The following SPC24 variants were observed in gnomAD, a reference collection of about 807,000 sequenced individuals.
The protein encoded by SPC24 is SPC24 component of NDC80 kinetochore complex, also known as kinetochore protein Spc24.
SPC24 carries 31 observed loss-of-function variants against 27.6 expected under a neutral mutation model. The observed-to-expected ratio is 1.12, with a 90% confidence interval of 0.84 to 1.52. SPC24 has a LOEUF of 1.52. Among genes scored for constraint, SPC24 ranks in the 40% most tolerant of loss-of-function variants. The probability of loss-of-function intolerance (pLI) is 0.00; values close to 1 mark genes in which losing one functional copy is unlikely to be tolerated. For synonymous variants in SPC24, 105 were observed against 105.8 expected (o/e 0.99, Z 0.05); for missense variants, 284 against 252.5 (o/e 1.12, Z -0.84).
chr19:11,153,047 C>G (rs1202214290), intron 1 of SPC24, among the ~76,000 whole-genome samples: 1 of 147,132 alleles, frequency 6.8e-6, no homozygotes, highest in Admixed American at 6.6e-5. Context: ...GCACCTGAAA[C>G]CCCTGGCACT....
At chr19:11,150,016 T>C (rs936154651) in intron 1 of SPC24, among the ~76,000 whole-genome samples, 2 of 150,422 alleles carry the variant, frequency 1.3e-5, no homozygotes, top group Non-Finnish European at 3.0e-5. Flanking sequence ...GGCAACCCTG[T>C]CAATATTAAA....
At chr19:11,148,211 C>T in intron 2 of SPC24, 94 bp from the exon 3 acceptor site, 2 of 775,102 alleles carry the variant, frequency 2.6e-6, no homozygotes, top group Non-Finnish European at 2.1e-6. Flanking sequence ...TCTATTTACG[C>T]ACACTCTCTT....
intron 1 of SPC24, among the ~76,000 whole-genome samples, chr19:11,150,881 A>G (rs974178493): frequency 6.7e-6 from 1 of 148,634 alleles, no homozygotes; most frequent in African/African-American, 2.5e-5. Context: ...TTAAATGCCC[A>G]GGCCAGGCGC....
chr19:11,150,892 G>A (rs530768604), intron 1 of SPC24, among the ~76,000 whole-genome samples: 9 of 148,030 alleles, frequency 6.1e-5, no homozygotes, highest in East Asian at 2.1e-4. Context: ...GGCCAGGCGC[G>A]GTGGCTCATG....
chr19:11,147,343 A>C, intron 4 of SPC24, 54 bp from the exon 5 acceptor site: 7 of 1,233,110 alleles, frequency 5.7e-6, no homozygotes, highest in Non-Finnish European at 8.0e-6. Flanking sequence ...ACACAACCCC[A>C]CGGGGAAAAG....
In SPC24 at chr19:11,146,977, G is replaced by A. The variant is rs1436182478; in HGVS notation, c.*206C>T. 3.0e-6 allele frequency: 1 copy of A among 330,748 alleles called. No individual in the cohort carries two copies. Among genetic ancestry groups the A allele is most frequent in the Non-Finnish European group, 5.6e-6 (1 of 176,996 alleles). The allele number at this position is 330,748 out of a possible 1,614,324, so 20.5% of individuals were successfully genotyped here. ...TGCCTGTAATCCCAGCTACTTTGGA[G>A]GCTGAGGCAGGAGAATCGCTTGAAC... On this transcript the variant is annotated 3_prime_UTR_variant, in exon 5 of 5. Transcript: ENST00000592540.
intron 1 of SPC24, among the ~76,000 whole-genome samples, chr19:11,150,515 G>A (rs941040406): frequency 1.3e-5 from 2 of 151,854 alleles, no homozygotes. Flanking sequence ...GGCTACTGGT[G>A]GCTGGGCACA....
chr19:11,154,297 T>TG (rs778317166), intron 1 of SPC24, among the ~76,000 whole-genome samples: 1 of 152,130 alleles, frequency 6.6e-6, no homozygotes, highest in Admixed American at 6.6e-5. Flanking sequence ...CCCAGCACTT[T>TG]GGGAGGCCGA....
rs58845884 is a variant in SPC24, at chr19:11,147,908, CA to C, written c.411-15del. 46,784 of 1,088,056 alleles carry C rather than the reference CA, an allele frequency of 0.043. 24 individuals carry two copies. The highest frequency in any genetic ancestry group is 0.096 in the East Asian group (3,273 of 33,986). The allele number at this position is 1,088,056 out of a possible 1,614,324, so 67.4% of individuals were successfully genotyped here. A position where few individuals can be genotyped will look rare whatever the true frequency, so the allele number is the denominator to read the frequency against. ...TGAGCCACGTACCTGTACAGGAAGA[CA>C]AAAAAAAAAAAAAAAAAAAAAGAAA... is the stretch of plus-strand genomic sequence containing the variant. On this transcript the variant is annotated splice_polypyrimidine_tract_variant and intron_variant, in intron 3 of 4. Coordinates refer to ENST00000592540, the MANE Select transcript of SPC24 (RefSeq NM_182513.4).
rs931809146 is a variant in SPC24, at chr19:11,145,870, A to T, written c.*1313T>A. On this transcript the variant is annotated 3_prime_UTR_variant, in exon 5 of 5. Transcript: ENST00000592540. ...GGGCAGCTGGGAAGTGTTGTATTTTAACTCCCAAAGTGCTAGGATCACAGG... is the reference window on the plus strand; with the variant it reads ...GGGCAGCTGGGAAGTGTTGTATTTTTACTCCCAAAGTGCTAGGATCACAGG... The T allele has an allele frequency of 6.6e-6, 1 of 152,132 alleles. No individual in the cohort carries two copies. The allele number at this position is 152,132 out of a possible 1,614,324, so 9.4% of individuals were successfully genotyped here.
chr19:11,146,114 T>A lies in SPC24; in HGVS notation c.*1069A>T, dbSNP rs931777970. ...TCTGTCCTCCATGAAGCCTGCACAC[T>A]CTGGTGTGGCTCCTGTCGCAATCTG... is the stretch of plus-strand genomic sequence containing the variant. On this transcript the variant is annotated 3_prime_UTR_variant, in exon 5 of 5. Transcript: ENST00000592540. 6.6e-6 allele frequency: 1 copy of A among 152,060 alleles called. No homozygotes were observed. The highest frequency in any genetic ancestry group is 1.5e-5 in the Non-Finnish European group (1 of 68,038). The allele number at this position is 152,060 out of a possible 1,614,324, so 9.4% of individuals were successfully genotyped here. A position where few individuals can be genotyped will look rare whatever the true frequency, so the allele number is the denominator to read the frequency against.
intron 1 of SPC24, among the ~76,000 whole-genome samples, chr19:11,153,064 G>A (rs954447126): frequency 6.6e-6 from 1 of 151,356 alleles, no homozygotes; most frequent in African/African-American, 2.5e-5. Flanking sequence ...CACTGCAGCT[G>A]TCAGGGAGAA....
chr19:11,155,604 C>T lies in SPC24; in HGVS notation c.160+13G>A. On this transcript the variant is annotated intron_variant, in intron 1 of 4. Coordinates refer to ENST00000592540, the MANE Select transcript of SPC24 (RefSeq NM_182513.4). ...CTTCCCCCGTGGGCCCGCGACCACG[C>T]TCCGACCCTCACCTCGCAGCTGCTT... The T allele has an allele frequency of 1.3e-6, 2 of 1,538,422 alleles. No individual in the cohort carries two copies. The highest frequency in any genetic ancestry group is 1.7e-6 in the Non-Finnish European group (2 of 1,147,826).
At position 11,155,721 on chromosome 19, in the gene SPC24, C is replaced by G; in HGVS notation, c.56G>C (p.Gly19Ala). 6.3e-7 allele frequency: 1 copy of G among 1,578,886 alleles called. No homozygotes were observed. The highest frequency in any genetic ancestry group is 8.5e-7 in the Non-Finnish European group (1 of 1,170,472). ...CTGCTGCGCCTCCGCGCGGTTGGCG[C>G]CCAGCAGGCTGAGCAGCCCCTGGCT... ...EVSQGLLSLL[G>A]ANRAEAQQRR... The change falls in exon 1 of 5, where the codon GGC becomes GCC. Residue 19 changes from glycine to alanine, a missense_variant. Transcript: ENST00000592540.
At chr19:11,150,532 C>A (rs1045578381) in intron 1 of SPC24, among the ~76,000 whole-genome samples, 17 of 151,704 alleles carry the variant, frequency 1.1e-4, no homozygotes, top group African/African-American at 3.9e-4. Context: ...CACAGTGGCT[C>A]ATGCCTGGAA....
chr19:11,147,140 G>T lies in SPC24; in HGVS notation c.*43C>A. The T allele has an allele frequency of 1.6e-6, 2 of 1,243,134 alleles. No homozygotes were observed. The highest frequency in any genetic ancestry group is 2.3e-6 in the Non-Finnish European group (2 of 877,056). The allele number at this position is 1,243,134 out of a possible 1,614,324, so 77.0% of individuals were successfully genotyped here. A position where few individuals can be genotyped will look rare whatever the true frequency, so the allele number is the denominator to read the frequency against. On this transcript the variant is annotated 3_prime_UTR_variant, in exon 5 of 5. Coordinates refer to ENST00000592540, the MANE Select transcript of SPC24 (RefSeq NM_182513.4). Reference sequence around the variant, plus strand: ...TTCATTTGAAATGGATCTGACCACGGCAGATGCCCGCTGGGTGCAAGACGC... The same window carrying T: ...TTCATTTGAAATGGATCTGACCACGTCAGATGCCCGCTGGGTGCAAGACGC...
chr19:11,150,945 C>T (rs149799759), intron 1 of SPC24, among the ~76,000 whole-genome samples: 1,949 of 152,128 alleles, frequency 0.013, 34 homozygotes, highest in African/African-American at 0.044. Context: ...AGGTGGATCA[C>T]GAGGTCAGTA....
At chr19:11,152,203 G>A (rs557121844) in intron 1 of SPC24, among the ~76,000 whole-genome samples, 13 of 151,848 alleles carry the variant, frequency 8.6e-5, no homozygotes, top group South Asian at 6.2e-4. Context: ...TTACAGGCAT[G>A]AGCCACTGTG....
At chr19:11,147,591 G>T in intron 4 of SPC24, 1 of 580,812 alleles carries the variant, frequency 1.7e-6, no homozygotes, top group Non-Finnish European at 3.1e-6. Context: ...ACCACACTTG[G>T]CCTGCTATAC....
Sources: gnomAD v4.1 joint callset for allele counts (sites outside exome capture counted in the v4.1 genomes callset) on GRCh38, gnomAD v4.1.1 for gene constraint, MANE v1.5 for transcripts, NCBI Gene and HGNC (gene_info 2026-07-23, HGNC 2026-07-21) for gene names.